Variants in GPD2 observed in about 807,000 individuals in gnomAD.
The protein encoded by GPD2 is glycerol-3-phosphate dehydrogenase, mitochondrial.
GPD2 carries 54 observed loss-of-function variants against 82.4 expected under a neutral mutation model. That is an observed-to-expected ratio of 0.66 (90% CI 0.53 to 0.82). The LOEUF is 0.82. Ranked by LOEUF, GPD2 falls within the 40% of genes least tolerant of loss-of-function variation. The probability of loss-of-function intolerance (pLI) is 0.00; values close to 1 mark genes in which losing one functional copy is unlikely to be tolerated. For synonymous variants in GPD2, 288 were observed against 306.1 expected (o/e 0.94, Z 0.62); for missense variants, 748 against 896.2 (o/e 0.83, Z 2.11).
At chr2:156,500,102 G>A (rs942716161) in intron 3 of GPD2, among the ~76,000 whole-genome samples, 2 of 151,886 alleles carry the variant, frequency 1.3e-5, no homozygotes, top group Admixed American at 1.3e-4. Context: ...AGTTGATCAG[G>A]TTTTTAATTT....
intron 1 of GPD2, among the ~76,000 whole-genome samples, chr2:156,456,770 A>C (rs2105167141): frequency 6.6e-6 from 1 of 151,756 alleles, no homozygotes; most frequent in East Asian, 1.9e-4. Context: ...TGGATAGGGA[A>C]TGCTGGAAAG....
the GPD2 span, among the ~76,000 whole-genome samples, chr2:156,428,807 G>A: frequency 6.6e-6 from 1 of 152,142 alleles, no homozygotes; most frequent in Non-Finnish European, 1.5e-5. Flanking sequence ...AAGATTCTCT[G>A]CTTTCCTGTC....
the GPD2 span, among the ~76,000 whole-genome samples, chr2:156,400,851 C>G: frequency 7.2e-5 from 11 of 152,156 alleles, no homozygotes; most frequent in Non-Finnish European, 1.3e-4. Flanking sequence ...AATCAGCCGA[C>G]GTTTGCTTTT....
chr2:156,418,531 C>A, the GPD2 span, among the ~76,000 whole-genome samples: 4 of 152,168 alleles, frequency 2.6e-5, no homozygotes, highest in Non-Finnish European at 5.9e-5. Flanking sequence ...AACCAAGGGA[C>A]TTCTACCCAT....
the GPD2 span, among the ~76,000 whole-genome samples, chr2:156,425,617 T>C: frequency 6.6e-6 from 1 of 152,188 alleles, no homozygotes; most frequent in Non-Finnish European, 1.5e-5. Flanking sequence ...AGACTTTATA[T>C]TACATCGCAT....
At chr2:156,439,534 A>C (rs1245569066) in intron 1 of GPD2, among the ~76,000 whole-genome samples, 8 of 118,510 alleles carry the variant, frequency 6.8e-5, no homozygotes, top group African/African-American at 2.7e-4. Flanking sequence ...AAAAAAAAAA[A>C]AAAAACAAAA....
chr2:156,407,503 G>A, the GPD2 span, among the ~76,000 whole-genome samples: 1 of 152,006 alleles, frequency 6.6e-6, no homozygotes, highest in Non-Finnish European at 1.5e-5. Context: ...TATGGACTAG[G>A]AATTAAAACA....
intron 8 of GPD2, among the ~76,000 whole-genome samples, chr2:156,551,230 G>T (rs1686748403): frequency 6.6e-6 from 1 of 152,038 alleles, no homozygotes; most frequent in African/African-American, 2.4e-5. Flanking sequence ...GCAAAAACCA[G>T]ATATATCTAA....
chr2:156,532,399 C>T (rs1343172162), intron 6 of GPD2, among the ~76,000 whole-genome samples: 1 of 152,138 alleles, frequency 6.6e-6, no homozygotes. Flanking sequence ...TAATCAAGGG[C>T]CTTCTGTGTG....
At chr2:156,408,259 G>T in the GPD2 span, among the ~76,000 whole-genome samples, 1 of 152,086 alleles carries the variant, frequency 6.6e-6, no homozygotes, top group African/African-American at 2.4e-5. Flanking sequence ...CTGGCCAAAA[G>T]TAGTGTTCTA....
At chr2:156,401,155 C>T in the GPD2 span, among the ~76,000 whole-genome samples, 9 of 152,104 alleles carry the variant, frequency 5.9e-5, no homozygotes, top group Non-Finnish European at 1.0e-4. Flanking sequence ...CTTGCATTGG[C>T]CGGGAATCGA....
the GPD2 span, among the ~76,000 whole-genome samples, chr2:156,415,145 A>G: frequency 4.5e-5 from 6 of 134,494 alleles, no homozygotes; most frequent in Non-Finnish European, 6.3e-5. Context: ...CCCCAAGTCC[A>G]TTGTATCATT....
At chr2:156,451,845 C>T (rs1220582515) in intron 1 of GPD2, among the ~76,000 whole-genome samples, 26 of 151,256 alleles carry the variant, frequency 1.7e-4, no homozygotes, top group Admixed American at 1.6e-3. Context: ...CCTCACTTCT[C>T]AGATGGGCGG....
At chr2:156,474,563 G>A (rs1395285310) in intron 1 of GPD2, among the ~76,000 whole-genome samples, 1 of 152,076 alleles carries the variant, frequency 6.6e-6, no homozygotes, top group Non-Finnish European at 1.5e-5. Context: ...TAAAGTCTTA[G>A]GCAGGTCAAA....
At chr2:156,412,681 C>T in the GPD2 span, among the ~76,000 whole-genome samples, 1 of 152,154 alleles carries the variant, frequency 6.6e-6, no homozygotes, top group Non-Finnish European at 1.5e-5. Context: ...TAAATATTAG[C>T]TATACATAAC....
At chr2:156,570,809 C>T (rs1220779424) in intron 12 of GPD2, among the ~76,000 whole-genome samples, 1 of 152,112 alleles carries the variant, frequency 6.6e-6, no homozygotes, top group Non-Finnish European at 1.5e-5. Flanking sequence ...AATTAAAATC[C>T]ACATTATGTA....
the GPD2 span, among the ~76,000 whole-genome samples, chr2:156,423,658 G>A: frequency 6.6e-6 from 1 of 151,836 alleles, no homozygotes; most frequent in Non-Finnish European, 1.5e-5. Flanking sequence ...GTATTTTTAG[G>A]GCTAATACAA....
At chr2:156,458,656 T>C (rs1365605033) in intron 1 of GPD2, among the ~76,000 whole-genome samples, 1 of 152,228 alleles carries the variant, frequency 6.6e-6, no homozygotes, top group Non-Finnish European at 1.5e-5. Flanking sequence ...TGTAGTTCAT[T>C]AAAGATGAGA....
At chr2:156,433,255 C>T (rs931498137), upstream of GPD2, among the ~76,000 whole-genome samples, 1 of 152,184 alleles carries the variant, frequency 6.6e-6, no homozygotes, top group Admixed American at 6.5e-5. Context: ...GACTAGATTG[C>T]CTTTGTAGGA....
Sources: gnomAD v4.1 joint callset for allele counts (sites outside exome capture counted in the v4.1 genomes callset) on GRCh38, gnomAD v4.1.1 for gene constraint, MANE v1.5 for transcripts, NCBI Gene and HGNC (gene_info 2026-07-23, HGNC 2026-07-21) for gene names.